Variants in PCDH9 observed in about 807,000 individuals in gnomAD.
PCDH9 encodes protocadherin 9.
PCDH9 carries 24 observed loss-of-function variants against 70.6 expected under a neutral mutation model. The ratio of observed to expected loss-of-function variants is 0.34; its 90% confidence interval spans 0.25 to 0.48. PCDH9 has a LOEUF of 0.48. Ranked by LOEUF, PCDH9 falls within the 20% of genes least tolerant of loss-of-function variation. The probability of loss-of-function intolerance (pLI) is 0.99; values close to 1 mark genes in which losing one functional copy is unlikely to be tolerated. For synonymous variants in PCDH9, 562 were observed against 558.5 expected, an observed-to-expected ratio of 1.01 and a Z score of -0.09; for missense variants, 1,281 against 1,503.6, an observed-to-expected ratio of 0.85 and a Z score of 2.45.
chr13:66,866,201 G>T (rs919625547), intron 3 of PCDH9, among the ~76,000 whole-genome samples: 3 of 152,150 alleles, frequency 2.0e-5, no homozygotes, highest in African/African-American at 7.2e-5. Context: ...AAACTTGCTC[G>T]GCCATGCGCG....
chr13:66,397,591 T>G (rs1362830555), intron 4 of PCDH9, among the ~76,000 whole-genome samples: 1 of 151,478 alleles, frequency 6.6e-6, no homozygotes, highest in Admixed American at 6.6e-5. Flanking sequence ...TATACATGCA[T>G]AATGCATTTG....
rs556836888 is a variant in PCDH9, at chr13:66,670,355, C to T, written c.3139-38944G>A. Among the ~76,000 whole-genome samples, 5 of 152,162 alleles carry T rather than the reference C, an allele frequency of 3.3e-5. No individual in the cohort carries two copies. The East Asian group carries it at 9.7e-4, about 29-fold the overall frequency. On this transcript the variant is annotated intron_variant, in intron 3 of 4. Transcript: ENST00000377865. ...AGAATGTCAGTAATATCACTAATATCAATGAGATATCCCTAATAGAAAATA... is the reference window on the plus strand; with the variant it reads ...AGAATGTCAGTAATATCACTAATATTAATGAGATATCCCTAATAGAAAATA...
Position 66,570,723 on chromosome 13 carries a change from G to T in PCDH9, c.3340+60487C>A, listed in dbSNP as rs548351736. On this transcript the variant is annotated intron_variant, in intron 4 of 4. Transcript: ENST00000377865. Reference sequence around the variant, plus strand: ...TAACTTGACAAAGTAGTTAGATTAGGCAATAGATTTTGAATACAGGATTGT... The same window carrying T: ...TAACTTGACAAAGTAGTTAGATTAGTCAATAGATTTTGAATACAGGATTGT... 2.6e-5 allele frequency among the ~76,000 whole-genome samples: 4 copies of T among 152,168 alleles called. No individual in the cohort carries two copies. The East Asian group carries it at 7.7e-4, about 29-fold the overall frequency.
chr13:66,682,506 G>A (rs1164341884), intron 3 of PCDH9, among the ~76,000 whole-genome samples: 1 of 151,742 alleles, frequency 6.6e-6, no homozygotes, highest in African/African-American at 2.4e-5. Context: ...ATTTTTTCCT[G>A]TCCTGTTTCC....
intron 4 of PCDH9, among the ~76,000 whole-genome samples, chr13:66,471,615 A>G (rs976209392): frequency 2.0e-5 from 3 of 152,202 alleles, no homozygotes; most frequent in African/African-American, 7.2e-5. Flanking sequence ...TGATTAATGC[A>G]TTTAATCATT....
intron 3 of PCDH9, among the ~76,000 whole-genome samples, chr13:66,761,440 C>A (rs1173331027): frequency 6.6e-6 from 1 of 152,074 alleles, no homozygotes; most frequent in East Asian, 1.9e-4. Context: ...GATTTCTACC[C>A]CCTTTATCTT....
intron 4 of PCDH9, among the ~76,000 whole-genome samples, chr13:66,427,184 G>T (rs1481947124): frequency 6.6e-6 from 1 of 151,554 alleles, no homozygotes; most frequent in Admixed American, 6.6e-5. Context: ...TGTAGATCAT[G>T]AACCTGTGAG....
chr13:66,557,823 G>A (rs1187268873), intron 4 of PCDH9, among the ~76,000 whole-genome samples: 1 of 152,114 alleles, frequency 6.6e-6, no homozygotes, highest in African/African-American at 2.4e-5. Context: ...TGTATGCAAA[G>A]GTTAACATCA....
At chr13:67,218,156 A>C (rs1279628408) in intron 2 of PCDH9, 1 of 152,040 alleles carries the variant, frequency 6.6e-6, no homozygotes, top group African/African-American at 2.4e-5. Context: ...CTTAATTTTC[A>C]GCACTGATTT....
intron 2 of PCDH9, among the ~76,000 whole-genome samples, chr13:67,143,583 A>AATG (rs1481641542): frequency 6.6e-6 from 1 of 152,188 alleles, no homozygotes. Flanking sequence ...AAATAATAAT[A>AATG]ATAATAATAA....
intron 3 of PCDH9, among the ~76,000 whole-genome samples, chr13:66,688,123 T>C (rs558383230): frequency 6.6e-6 from 1 of 152,248 alleles, no homozygotes; most frequent in South Asian, 2.1e-4. Flanking sequence ...CTTCATTTAA[T>C]GTTTCTTTCA....
intron 3 of PCDH9, among the ~76,000 whole-genome samples, chr13:66,872,256 G>A (rs1380297529): frequency 6.6e-6 from 1 of 152,102 alleles, no homozygotes; most frequent in Admixed American, 6.6e-5. Context: ...GCCAGATTTG[G>A]ATGAGTATTA....
intron 3 of PCDH9, among the ~76,000 whole-genome samples, chr13:66,840,103 T>A (rs1405947173): frequency 6.6e-6 from 1 of 152,124 alleles, no homozygotes; most frequent in East Asian, 1.9e-4. Context: ...GTTCACACCA[T>A]CTCTTCCCAC....
intron 2 of PCDH9, among the ~76,000 whole-genome samples, chr13:67,181,227 A>G (rs2088606648): frequency 6.6e-6 from 1 of 152,194 alleles, no homozygotes; most frequent in Non-Finnish European, 1.5e-5. Context: ...TATTATTGAA[A>G]TTTAAGTCAT....
At chr13:66,942,420 G>A (rs1041313322) in intron 2 of PCDH9, among the ~76,000 whole-genome samples, 8 of 151,600 alleles carry the variant, frequency 5.3e-5, no homozygotes, top group Admixed American at 1.3e-4. Flanking sequence ...ATGCGTGAAA[G>A]TAAAAAAACC....
intron 4 of PCDH9, among the ~76,000 whole-genome samples, chr13:66,310,776 A>G (rs1955547436): frequency 6.6e-6 from 1 of 152,096 alleles, no homozygotes; most frequent in African/African-American, 2.4e-5. Context: ...CATATGATTT[A>G]GGATCAAATT....
chr13:66,652,368 A>C (rs144637152), intron 3 of PCDH9, among the ~76,000 whole-genome samples: 2,173 of 152,228 alleles, frequency 0.014, 22 homozygotes, highest in Middle Eastern at 0.044. Context: ...CAAGAAAATA[A>C]TCCCATGTAC....
At chr13:66,838,251 C>G (rs1594128664) in intron 3 of PCDH9, among the ~76,000 whole-genome samples, 2 of 152,046 alleles carry the variant, frequency 1.3e-5, no homozygotes, top group African/African-American at 4.8e-5. Context: ...TTTGGGTACA[C>G]TGTAGACATT....
intron 3 of PCDH9, among the ~76,000 whole-genome samples, chr13:66,760,697 G>A (rs150450845): frequency 5.9e-5 from 9 of 152,232 alleles, no homozygotes; most frequent in East Asian, 5.8e-4. Flanking sequence ...GACTGCCTGC[G>A]GTGCCAGGCA....
Sources: gnomAD v4.1 joint callset for allele counts (sites outside exome capture counted in the v4.1 genomes callset) on GRCh38, gnomAD v4.1.1 for gene constraint, MANE v1.5 for transcripts, NCBI Gene and HGNC (gene_info 2026-07-23, HGNC 2026-07-21) for gene names.